The following SLC24A3 variants were observed in gnomAD, a reference collection of about 807,000 sequenced individuals.
SLC24A3 encodes sodium/potassium/calcium exchanger 3.
SLC24A3 carries 28 observed loss-of-function variants against 75.8 expected under a neutral mutation model. The ratio of observed to expected loss-of-function variants is 0.37; its 90% CI spans 0.27 to 0.51. The LOEUF is 0.51. Ranked by LOEUF, SLC24A3 falls within the 20% of genes least tolerant of loss-of-function variation. The pLI is 0.94. For synonymous variants in SLC24A3, 372 were observed against 334.1 expected (o/e 1.11, Z -1.24); for missense variants, 663 against 847.8 (o/e 0.78, Z 2.71).
chr20:19,666,781 C>T (rs868257907), intron 8 of SLC24A3, among the ~76,000 whole-genome samples: 78 of 152,170 alleles, frequency 5.1e-4, no homozygotes, highest in African/African-American at 1.6e-3. Context: ...GTCAGGAGTT[C>T]GAGAACAGAA....
rs146904908 is a variant in SLC24A3, at chr20:19,301,102, C to T, written c.271+20015C>T. ...AGTGTCTTTTCCAATGCTTCAGTTC[C>T]GTGGAAGGCAGGTCCCTCTATGCCC... On this transcript the variant is annotated intron_variant, in intron 2 of 16. Coordinates refer to ENST00000328041, the MANE Select transcript of SLC24A3 (RefSeq NM_020689.4). Among the ~76,000 whole-genome samples, 579 of 152,282 alleles carry T rather than the reference C, an allele frequency of 3.8e-3. 2 individuals carry two copies. The highest frequency in any genetic ancestry group is 0.013 in the African/African-American group (536 of 41,552).
Position 19,587,145 on chromosome 20 carries a change from G to A in SLC24A3, c.612+1601G>A, listed in dbSNP as rs59269872. 4.9e-4 allele frequency among the ~76,000 whole-genome samples: 74 copies of A among 152,220 alleles called. No individual in the cohort carries two copies. In the East Asian group the frequency reaches 0.011, roughly 24 times the overall value. ...CATCAGCAGTATGGTTATTAGTCTG[G>A]CTGTTATTAGTGTTGTCATTAGTTC... On this transcript the variant is annotated intron_variant, in intron 6 of 16. Coordinates refer to ENST00000328041, the MANE Select transcript of SLC24A3 (RefSeq NM_020689.4).
At chr20:19,357,190 A>G (rs1262094174) in intron 2 of SLC24A3, among the ~76,000 whole-genome samples, 1 of 152,196 alleles carries the variant, frequency 6.6e-6, no homozygotes, top group Non-Finnish European at 1.5e-5. Context: ...ATGCAGTCAC[A>G]AGCCAAGGGA....
chr20:19,633,034 G>A (rs2031953809), intron 6 of SLC24A3, among the ~76,000 whole-genome samples: 1 of 152,192 alleles, frequency 6.6e-6, no homozygotes, highest in African/African-American at 2.4e-5. Flanking sequence ...GAGTCATTCA[G>A]CTGGCTCCAT....
intron 2 of SLC24A3, among the ~76,000 whole-genome samples, chr20:19,342,867 G>T (rs1026690593): frequency 3.3e-5 from 5 of 151,948 alleles, no homozygotes; most frequent in African/African-American, 1.2e-4. Context: ...TGAGGAGATT[G>T]AGACCATCCT....
intron 9 of SLC24A3, among the ~76,000 whole-genome samples, chr20:19,680,032 C>T (rs932675601): frequency 6.6e-6 from 1 of 150,400 alleles, no homozygotes; most frequent in Admixed American, 6.6e-5. Flanking sequence ...TATGTGTGTG[C>T]ATGACTGGGC....
chr20:19,614,381 C>T lies in SLC24A3; in HGVS notation c.612+28837C>T, dbSNP rs549309976. On this transcript the variant is annotated intron_variant, in intron 6 of 16. Coordinates refer to ENST00000328041, the MANE Select transcript of SLC24A3 (RefSeq NM_020689.4). ...AGTAAAAATGACCTGTTATTATGCT[C>T]TTGGACATGCAATATCTTTCTCCTA... Among the ~76,000 whole-genome samples, 3 of 152,342 alleles carry T rather than the reference C, an allele frequency of 2.0e-5. No individual in the cohort carries two copies. In the East Asian group the frequency reaches 5.8e-4, roughly 29 times the overall value.
intron 2 of SLC24A3, among the ~76,000 whole-genome samples, chr20:19,346,128 A>ATATATATGG: frequency 2.0e-5 from 2 of 101,528 alleles, no homozygotes; most frequent in African/African-American, 7.2e-5. Context: ...GTGTGTGTAT[A>ATATATATGG]TATATATATG....
intron 2 of SLC24A3, among the ~76,000 whole-genome samples, chr20:19,480,189 T>C (rs1395887883): frequency 1.3e-5 from 2 of 152,216 alleles, no homozygotes; most frequent in Admixed American, 6.5e-5. Context: ...AGGTGTCTGC[T>C]GCATGCAGCA....
At chr20:19,512,771 T>G (rs2029907400) in intron 2 of SLC24A3, among the ~76,000 whole-genome samples, 1 of 152,206 alleles carries the variant, frequency 6.6e-6, no homozygotes, top group African/African-American at 2.4e-5. Context: ...TCCTTTCCTG[T>G]GCTCCCTCGG....
intron 8 of SLC24A3, among the ~76,000 whole-genome samples, chr20:19,670,737 C>T (rs1173396216): frequency 1.3e-5 from 2 of 152,172 alleles, no homozygotes; most frequent in Non-Finnish European, 2.9e-5. Context: ...GCTACGTATA[C>T]ATTGGTGTCG....
At chr20:19,249,615 A>G (rs1382454953) in intron 1 of SLC24A3, among the ~76,000 whole-genome samples, 1 of 151,974 alleles carries the variant, frequency 6.6e-6, no homozygotes, top group African/African-American at 2.4e-5. Context: ...TCTTTTGGTC[A>G]TCTGTCTTGT....
chr20:19,710,627 A>G (rs2032977434), intron 15 of SLC24A3, among the ~76,000 whole-genome samples: 1 of 152,348 alleles, frequency 6.6e-6, no homozygotes, highest in Non-Finnish European at 1.5e-5. Flanking sequence ...TCTTTGAGGC[A>G]GGGAGGAGGG....
At chr20:19,629,701 T>C (rs1036673848) in intron 6 of SLC24A3, among the ~76,000 whole-genome samples, 1 of 152,180 alleles carries the variant, frequency 6.6e-6, no homozygotes, top group Non-Finnish European at 1.5e-5. Flanking sequence ...AGATTATCAA[T>C]GGATTTCTCA....
At chr20:19,495,104 C>G (rs528692944) in intron 2 of SLC24A3, among the ~76,000 whole-genome samples, 82 of 152,288 alleles carry the variant, frequency 5.4e-4, no homozygotes, top group African/African-American at 1.9e-3. Flanking sequence ...CTAGTGTCTA[C>G]CACCCCTCTT....
At chr20:19,687,334 C>T (rs1045945214) in intron 12 of SLC24A3, among the ~76,000 whole-genome samples, 1 of 152,190 alleles carries the variant, frequency 6.6e-6, no homozygotes, top group African/African-American at 2.4e-5. Flanking sequence ...TCTGGCTCCC[C>T]TTTTGCTTTT....
intron 1 of SLC24A3, among the ~76,000 whole-genome samples, chr20:19,232,114 T>C (rs896906188): frequency 6.6e-6 from 1 of 150,564 alleles, no homozygotes; most frequent in African/African-American, 2.5e-5. Flanking sequence ...GTAGATTATA[T>C]AAGTAATAAT....
intron 2 of SLC24A3, among the ~76,000 whole-genome samples, chr20:19,327,276 G>A (rs932971930): frequency 2.0e-5 from 3 of 152,234 alleles, no homozygotes; most frequent in African/African-American, 7.2e-5. Context: ...GAGAGTGACG[G>A]AGCAGCAGGC....
intron 2 of SLC24A3, among the ~76,000 whole-genome samples, chr20:19,419,171 A>C (rs1247746530): frequency 6.6e-6 from 1 of 152,254 alleles, no homozygotes; most frequent in African/African-American, 2.4e-5. Context: ...GAAGGAAAAC[A>C]AATGTGAACT....
Sources: gnomAD v4.1 joint callset for allele counts (sites outside exome capture counted in the v4.1 genomes callset) on GRCh38, gnomAD v4.1.1 for gene constraint, MANE v1.5 for transcripts, NCBI Gene and HGNC (gene_info 2026-07-23, HGNC 2026-07-21) for gene names.